KIAA0825: variants seen among roughly 807,000 people sequenced by gnomAD.
KIAA0825 encodes KIAA0825, also known as uncharacterized protein KIAA0825.
KIAA0825 carries 119 observed loss-of-function variants against 147.6 expected under a neutral mutation model. The ratio of observed to expected loss-of-function variants is 0.81; its 90% CI spans 0.69 to 0.94. The LOEUF is 0.94. Among genes scored for constraint, KIAA0825 ranks in the 40% least tolerant of loss-of-function variants. The pLI, the probability that KIAA0825 is intolerant of heterozygous loss-of-function variation, is 0.00. For missense variants in KIAA0825, 1,381 were observed against 1,472.7 expected, an observed-to-expected ratio of 0.94 and a Z score of 1.02; for synonymous variants, 470 against 518.1, an observed-to-expected ratio of 0.91 and a Z score of 1.26.
chr5:94,493,831 G>C (rs138224046), intron 5 of KIAA0825, among the ~76,000 whole-genome samples: 208 of 152,004 alleles, frequency 1.4e-3, no homozygotes, highest in Non-Finnish European at 2.4e-3. Context: ...TCTAGTTGTT[G>C]CACTAAAATT....
intron 20 of KIAA0825, among the ~76,000 whole-genome samples, chr5:94,232,779 A>G (rs1004177560): frequency 1.3e-5 from 2 of 152,142 alleles, no homozygotes; most frequent in Non-Finnish European, 2.9e-5. Context: ...TTTACTAAAA[A>G]GTTGCAAGAA....
intron 20 of KIAA0825, among the ~76,000 whole-genome samples, chr5:94,281,862 T>C (rs1777483886): frequency 6.6e-6 from 1 of 152,016 alleles, no homozygotes; most frequent in Non-Finnish European, 1.5e-5. Flanking sequence ...GGTCTCCATG[T>C]TTTGCTATTT....
At chr5:94,441,783 T>C (rs1562500158) in intron 13 of KIAA0825, among the ~76,000 whole-genome samples, 3 of 152,236 alleles carry the variant, frequency 2.0e-5, no homozygotes, top group Admixed American at 6.5e-5. Flanking sequence ...ATATTTGTTA[T>C]AGCAGCCAGA....
At position 94,365,451 on chromosome 5, in the gene KIAA0825, T is replaced by C. The variant is rs560665423; in HGVS notation, c.3710+18917A>G. On this transcript the variant is annotated intron_variant, in intron 20 of 20. Transcript: ENST00000682413. ...AATTCTTCATACTGGTGATTCCATGTCTAGGTTCTGATTTCTATGTAAATC... is the reference window on the plus strand; with the variant it reads ...AATTCTTCATACTGGTGATTCCATGCCTAGGTTCTGATTTCTATGTAAATC... Among the ~76,000 whole-genome samples, 12 of 152,326 alleles carry C rather than the reference T, an allele frequency of 7.9e-5. No individual in the cohort carries two copies. The East Asian group carries it at 2.3e-3, about 29-fold the overall frequency.
At chr5:94,537,230 T>C (rs1216457148) in intron 2 of KIAA0825, 103 bp from the exon 3 acceptor site, 4 of 737,306 alleles carry the variant, frequency 5.4e-6, no homozygotes, top group Non-Finnish European at 8.9e-6. Flanking sequence ...AAACCAAAAA[T>C]AGTAATTCCT....
intron 14 of KIAA0825, among the ~76,000 whole-genome samples, chr5:94,434,081 T>C (rs1192160490): frequency 1.3e-5 from 2 of 152,212 alleles, no homozygotes; most frequent in African/African-American, 2.4e-5. Context: ...TCTGTGATCA[T>C]TTGTAGTTGA....
intron 20 of KIAA0825, among the ~76,000 whole-genome samples, chr5:94,218,609 C>A (rs1386505992): frequency 6.6e-6 from 1 of 152,150 alleles, no homozygotes; most frequent in African/African-American, 2.4e-5. Flanking sequence ...GCAAACATTC[C>A]AGAACTGTGA....
At chr5:94,573,137 T>C (rs914356404) in intron 2 of KIAA0825, among the ~76,000 whole-genome samples, 1 of 150,450 alleles carries the variant, frequency 6.6e-6, no homozygotes, top group African/African-American at 2.4e-5. Flanking sequence ...TTGGGGGGGT[T>C]GTTCCAGGTT....
At chr5:94,405,051 C>T (rs1459714651) in intron 15 of KIAA0825, among the ~76,000 whole-genome samples, 1 of 152,136 alleles carries the variant, frequency 6.6e-6, no homozygotes, top group Non-Finnish European at 1.5e-5. Flanking sequence ...CTTCCTTTTA[C>T]AACACAGTAA....
chr5:94,608,932 C>A (rs1261370884), intron 1 of KIAA0825, among the ~76,000 whole-genome samples: 1 of 151,850 alleles, frequency 6.6e-6, no homozygotes, highest in East Asian at 1.9e-4. Flanking sequence ...CTCAATGAAT[C>A]AATATTTTCC....
intron 20 of KIAA0825, among the ~76,000 whole-genome samples, chr5:94,215,714 TC>T (rs1773131816): frequency 6.6e-6 from 1 of 152,146 alleles, no homozygotes; most frequent in South Asian, 2.1e-4. Context: ...GGTTCTTCTT[TC>T]CTGAAAAACT....
chr5:94,160,780 A>G (rs1767503342), intron 20 of KIAA0825, among the ~76,000 whole-genome samples: 1 of 152,014 alleles, frequency 6.6e-6, no homozygotes, highest in South Asian at 2.1e-4. Context: ...GAGTCCAAAC[A>G]GTGAAGAGTA....
intron 2 of KIAA0825, 106 bp from the exon 3 acceptor site, chr5:94,537,233 T>C: frequency 1.4e-6 from 1 of 719,008 alleles, no homozygotes; most frequent in Non-Finnish European, 2.3e-6. Context: ...CCAAAAATAG[T>C]AATTCCTATT....
intron 15 of KIAA0825, among the ~76,000 whole-genome samples, chr5:94,408,877 C>G (rs891017367): frequency 6.6e-6 from 1 of 152,132 alleles, no homozygotes; most frequent in Non-Finnish European, 1.5e-5. Context: ...CTTTTTAAAG[C>G]ACAATTGTGC....
chr5:94,546,865 C>A (rs1774505675), intron 2 of KIAA0825, among the ~76,000 whole-genome samples: 1 of 142,916 alleles, frequency 7.0e-6, no homozygotes, highest in South Asian at 2.2e-4. Context: ...ACCCAATGAA[C>A]TAAATAAGGC....
At chr5:94,438,010 G>C (rs1392298717) in intron 14 of KIAA0825, among the ~76,000 whole-genome samples, 1 of 152,194 alleles carries the variant, frequency 6.6e-6, no homozygotes, top group Admixed American at 6.5e-5. Flanking sequence ...TGCCTACCTA[G>C]CTGGAAAGGT....
chr5:94,527,812 C>G (rs1193994498), intron 3 of KIAA0825, among the ~76,000 whole-genome samples: 2 of 151,792 alleles, frequency 1.3e-5, no homozygotes, highest in East Asian at 3.9e-4. Flanking sequence ...CCTTATTTAT[C>G]TAACTAGATT....
intron 2 of KIAA0825, among the ~76,000 whole-genome samples, chr5:94,540,905 A>G (rs1424805857): frequency 6.6e-6 from 1 of 152,174 alleles, no homozygotes; most frequent in Non-Finnish European, 1.5e-5. Context: ...ACCCCTAACT[A>G]TGCAAAGAAG....
At chr5:94,158,795 G>T (rs1034581084) in intron 20 of KIAA0825, among the ~76,000 whole-genome samples, 1 of 152,260 alleles carries the variant, frequency 6.6e-6, no homozygotes, top group African/African-American at 2.4e-5. Context: ...CTATGGAATG[G>T]TAATAATAAT....
Sources: allele counts gnomAD v4.1 joint callset (sites outside exome capture counted in the v4.1 genomes callset), GRCh38; gene constraint gnomAD v4.1.1; transcripts MANE v1.5; gene names NCBI Gene and HGNC (gene_info 2026-07-23, HGNC 2026-07-21).